Variants in DYNC1H1 observed in about 807,000 individuals in gnomAD.
DYNC1H1 encodes cytoplasmic dynein 1 heavy chain 1.
A neutral mutation model predicts 527.1 loss-of-function variants in DYNC1H1; 51 were observed. That is an observed-to-expected ratio of 0.10 (90% CI 0.08 to 0.12). DYNC1H1 has a LOEUF of 0.12. Ranked by LOEUF, DYNC1H1 falls within the 10% of genes least tolerant of loss-of-function variation. The probability of loss-of-function intolerance (pLI) is 1.00; values close to 1 mark genes in which losing one functional copy is unlikely to be tolerated. For missense variants in DYNC1H1, 2,771 were observed against 5,971.8 expected (o/e 0.46, Z 17.66); for synonymous variants, 2,189 against 2,278.8 (o/e 0.96, Z 1.12).
chr14:102,004,185 A>G (rs746900467), intron 23 of DYNC1H1, among the ~76,000 whole-genome samples: 12 of 152,134 alleles, frequency 7.9e-5, no homozygotes, highest in African/African-American at 2.9e-4. Flanking sequence ...CGGAGCTTGC[A>G]GTGAGCCGAG....
At position 102,044,755 on chromosome 14, in the gene DYNC1H1, G is replaced by T; in HGVS notation, c.13006+57G>T. Reference sequence around the variant, plus strand: ...GTGGGTGGCGAGGGTCCCCTCACGCGGGGTGGGTGGCGAGGGTCCCCACAC... The same window carrying T: ...GTGGGTGGCGAGGGTCCCCTCACGCTGGGTGGGTGGCGAGGGTCCCCACAC... On this transcript the variant is annotated intron_variant, in intron 72 of 77. Coordinates refer to ENST00000360184, the MANE Select transcript of DYNC1H1 (RefSeq NM_001376.5). This position sits in a 1 kb window ranked among gnomAD's most constrained non-coding sequence, Gnocchi z 7.1. 3 of 1,385,716 alleles carry T rather than the reference G, an allele frequency of 2.2e-6. No individual in the cohort carries two copies. Among genetic ancestry groups the T allele is most frequent in the South Asian group, 1.3e-5 (1 of 74,312 alleles). The allele number at this position is 1,385,716 out of a possible 1,614,324, so 85.8% of individuals were successfully genotyped here.
chr14:102,013,743 G>A (rs759945380), intron 34 of DYNC1H1, among the ~76,000 whole-genome samples: 8 of 152,198 alleles, frequency 5.3e-5, no homozygotes, highest in Admixed American at 2.0e-4. Flanking sequence ...TCTGGCTGCC[G>A]TTTGGAGAAT....
Position 102,009,978 on chromosome 14 carries a change from G to A in DYNC1H1, c.6113G>A (p.Ser2038Asn), listed in dbSNP as rs768380390. The change falls in exon 30 of 78, where the codon AGC (serine) becomes AAC (asparagine). Residue 2038 changes from serine to asparagine, a missense_variant. Coordinates refer to ENST00000360184, the MANE Select transcript of DYNC1H1 (RefSeq NM_001376.5). ...LPDNLKKLFR[S>N]LAMTKPDRQL... ...GACAACTTGAAGAAGCTGTTCCGGA[G>A]CTTGGCCATGACCAAGCCCGACCGG... The A allele has an allele frequency of 6.2e-7, 1 of 1,614,134 alleles. No homozygotes were observed. Among genetic ancestry groups the A allele is most frequent in the Non-Finnish European group, 8.5e-7 (1 of 1,180,042 alleles).
At position 102,050,616 on chromosome 14, in the gene DYNC1H1, T is replaced by C; in HGVS notation, c.*53T>C. On this transcript the variant is annotated 3_prime_UTR_variant, in exon 78 of 78. Transcript: ENST00000360184. ...AGTGAAAGTTGGTATTTAACATTTA[T>C]TCATTTTTAAAATATTTGGAAGGTC... The C allele has an allele frequency of 1.2e-6, 2 of 1,613,708 alleles. No homozygotes were observed. Among genetic ancestry groups the C allele is most frequent in the South Asian group, 2.2e-5 (2 of 91,026 alleles).
rs1231462535 is a variant in DYNC1H1 at position 102,017,222 on chromosome 14, G to A, written c.7983G>A (p.Leu2661=). The change falls in exon 39 of 78, where the codon TTG becomes TTA. Residue 2661 remains leucine (L), a synonymous_variant. Transcript: ENST00000360184. The surrounding 1 kb of genome is among the most constrained non-coding windows in gnomAD (Gnocchi z 4.6). ...TTCAACTTGGAAAGTGGCTGGTGTT[G>A]TTCTGTGATGAAATCAACTTGCCAG... is the stretch of plus-strand genomic sequence containing the variant. ...APVQLGKWLV[L]FCDEINLPDM... is the part of the protein sequence containing the mutation. 1 of 1,614,242 alleles carries A rather than the reference G, an allele frequency of 6.2e-7. No individual in the cohort carries two copies. Among genetic ancestry groups the A allele is most frequent in the South Asian group, 1.1e-5 (1 of 91,088 alleles).
intron 11 of DYNC1H1, among the ~76,000 whole-genome samples, 159 bp downstream of exon 11, chr14:101,991,832 C>CT (rs1199995890): frequency 6.6e-6 from 1 of 152,152 alleles, no homozygotes; most frequent in Non-Finnish European, 1.5e-5. Context: ...GTGCCCTGAC[C>CT]TTTTTTTCCA....
chr14:102,047,627 G>GTT (rs2048739352), intron 72 of DYNC1H1, 190 bp from the exon 73 acceptor site: 1 of 399,998 alleles, frequency 2.5e-6, no homozygotes, highest in African/African-American at 3.8e-5. Flanking sequence ...ACACGTGTGT[G>GTT]TGTGTGTGTG....
rs201971718 is a variant in DYNC1H1, at chr14:102,047,961, C to T, written c.13151C>T (p.Ala4384Val). 14 of 1,613,024 alleles carry T rather than the reference C, an allele frequency of 8.7e-6. No homozygotes were observed. Among genetic ancestry groups the T allele is most frequent in the Admixed American group, 5.0e-5 (3 of 60,008 alleles). Residue 4384 changes from alanine (A) to valine (V), a missense_variant, in exon 73 of 78, where the codon GCG (alanine) becomes GTG (valine). Physicochemically the swap from Ala to Val is moderately conservative, Grantham distance 64 (BLOSUM62 0). This residue lies in a region of DYNC1H1 where 170 missense variants were observed against 249.8 expected (regional missense o/e 0.68). Coordinates refer to ENST00000360184, the MANE Select transcript of DYNC1H1 (RefSeq NM_001376.5). The part of the protein sequence containing the change: ...PAWMRTLHTT[A>V]SNWLHLIPQT... Reference sequence around the variant, plus strand: ...TGGATGCGGACACTGCACACCACCGCGTCCAACTGGCTGCACCTCATCCCC... The same window carrying T: ...TGGATGCGGACACTGCACACCACCGTGTCCAACTGGCTGCACCTCATCCCC...
chr14:101,986,868 T>C lies in DYNC1H1; in HGVS notation c.2538+105T>C. 7.5e-7 allele frequency: 1 copy of C among 1,332,892 alleles called. No homozygotes were observed. Among genetic ancestry groups the C allele is most frequent in the Non-Finnish European group, 1.1e-6 (1 of 930,966 alleles). The allele number at this position is 1,332,892 out of a possible 1,614,324, so 82.6% of individuals were successfully genotyped here. A position where few individuals can be genotyped will look rare whatever the true frequency, so the allele number is the denominator to read the frequency against. ...TCCCGAAGAAGGCATGCATGGTTGA[T>C]GCAGCATACGGCCATGTGAGCTGCA... On this transcript the variant is annotated intron_variant, in intron 8 of 77. Transcript: ENST00000360184. This position sits in a 1 kb window ranked among gnomAD's most constrained non-coding sequence, Gnocchi z 8.7.
rs145208135 is a variant in DYNC1H1, at chr14:102,027,663, G to A, written c.9093G>A (p.Thr3031=). 86 of 1,614,002 alleles carry A rather than the reference G, an allele frequency of 5.3e-5. 2 individuals carry two copies. Among genetic ancestry groups the A allele is most frequent in the African/African-American group, 5.2e-4 (39 of 74,912 alleles). The change falls in exon 47 of 78, where the codon ACG becomes ACA. Residue 3031 remains threonine, a synonymous_variant. Coordinates refer to ENST00000360184, the MANE Select transcript of DYNC1H1 (RefSeq NM_001376.5). The surrounding 1 kb of genome is among the most constrained non-coding windows in gnomAD (Gnocchi z 7.7). ...FEGDEYATLM[T]QCKEGAQKEG... ...GAGACGAGTATGCCACCTTGATGAC[G>A]CAGTGCAAAGAGGGGGCACAGAAGG...
At chr14:101,977,466 T>C (rs1003793041) in intron 2 of DYNC1H1, among the ~76,000 whole-genome samples, 1 of 152,214 alleles carries the variant, frequency 6.6e-6, no homozygotes, top group Non-Finnish European at 1.5e-5. Flanking sequence ...TATCCCTAAA[T>C]ACTTGTGTGT....
Position 102,001,391 on chromosome 14 carries a change from T to C in DYNC1H1, c.4395+37T>C, listed in dbSNP as rs1346803203. 1.2e-6 allele frequency: 2 copies of C among 1,613,640 alleles called. No homozygotes were observed. The highest frequency in any genetic ancestry group is 2.2e-5 in the East Asian group (1 of 44,862). On this transcript the variant is annotated intron_variant, in intron 20 of 77. Transcript: ENST00000360184. This position sits in a 1 kb window ranked among gnomAD's most constrained non-coding sequence, Gnocchi z 5.0. Reference sequence around the variant, plus strand: ...GACTGAACGGCTGCTTTACGTTGTGTTTCGGGCTGTTACATAGATCTGAGC... The same window carrying C: ...GACTGAACGGCTGCTTTACGTTGTGCTTCGGGCTGTTACATAGATCTGAGC...
intron 29 of DYNC1H1, among the ~76,000 whole-genome samples, chr14:102,008,835 A>C (rs956921442): frequency 1.3e-5 from 2 of 152,172 alleles, no homozygotes; most frequent in Non-Finnish European, 2.9e-5. Context: ...TTTAGTCCTC[A>C]TTCTAGGGCA....
chr14:102,033,120 T>A lies in DYNC1H1; in HGVS notation c.10135T>A (p.Tyr3379Asn), dbSNP rs1277036036. Residue 3379 changes from tyrosine to asparagine, a missense_variant, in exon 53 of 78, where the codon TAT becomes AAT. By Grantham distance (143) the Tyr-to-Asn change is moderately radical (BLOSUM62 -2). Transcript: ENST00000360184. This position sits in a 1 kb window ranked among gnomAD's most constrained non-coding sequence, Gnocchi z 5.6. ...TTACATGTCCAATCCAAGTTACAAT[T>A]ATGAAATTGTGAATCGGGCTTCCCT... The part of the protein sequence containing the change: ...KNYMSNPSYN[Y>N]EIVNRASLAC... 1 of 1,614,068 alleles carries A rather than the reference T, an allele frequency of 6.2e-7. No individual in the cohort carries two copies. Among genetic ancestry groups the A allele is most frequent in the African/African-American group, 1.3e-5 (1 of 74,918 alleles).
Position 102,033,155 on chromosome 14 carries a change from C to G in DYNC1H1, c.10170C>G (p.Gly3390=). Residue 3390 remains glycine, a synonymous_variant, in exon 53 of 78, where the codon GGC becomes GGG. Coordinates refer to ENST00000360184, the MANE Select transcript of DYNC1H1 (RefSeq NM_001376.5). This position sits in a 1 kb window ranked among gnomAD's most constrained non-coding sequence, Gnocchi z 5.6. The stretch of plus-strand genomic sequence containing the variant: ...TGAATCGGGCTTCCCTGGCTTGCGG[C>G]CCTATGGTGAAATGGGCAATTGCAC... ...EIVNRASLAC[G]PMVKWAIAQL... 6.2e-7 allele frequency: 1 copy of G among 1,614,186 alleles called. No individual in the cohort carries two copies. Among genetic ancestry groups the G allele is most frequent in the Non-Finnish European group, 8.5e-7 (1 of 1,180,032 alleles).
intron 28 of DYNC1H1, 127 bp downstream of exon 28, chr14:102,007,235 A>C: frequency 2.3e-6 from 2 of 884,066 alleles, no homozygotes; most frequent in South Asian, 2.8e-5. Flanking sequence ...TGGCCTCCTG[A>C]GTCCTGTAGT....
chr14:101,998,879 CTTTTTTT>C (rs888317854), intron 16 of DYNC1H1, among the ~76,000 whole-genome samples: 6 of 115,220 alleles, frequency 5.2e-5, no homozygotes, highest in East Asian at 5.0e-4. Context: ...AAAACTTTTT[CTTTTTTT>C]TTTTTTTTTT....
At chr14:101,975,624 A>G (rs953991455) in intron 1 of DYNC1H1, 88 bp from the exon 2 acceptor site, 3 of 1,204,232 alleles carry the variant, frequency 2.5e-6, no homozygotes, top group Non-Finnish European at 3.7e-6. Context: ...GGCTGGGAGT[A>G]GGGAGAAAAT....
In DYNC1H1 at chr14:102,027,115, T is replaced by G. The variant is rs1013891165; in HGVS notation, c.8772-59T>G. ...AAATACTGTAGACACTAGATATGAG[T>G]CAAAAGGGGAATGAGGCATTATAAG... On this transcript the variant is annotated intron_variant, in intron 44 of 77. Transcript: ENST00000360184. This position sits in a 1 kb window ranked among gnomAD's most constrained non-coding sequence, Gnocchi z 7.7. 4 of 1,552,064 alleles carry G rather than the reference T, an allele frequency of 2.6e-6. No homozygotes were observed. The highest frequency in any genetic ancestry group is 3.6e-6 in the Non-Finnish European group (4 of 1,124,030).
Sources: allele counts gnomAD v4.1 joint callset (sites outside exome capture counted in the v4.1 genomes callset), GRCh38; gene constraint gnomAD v4.1.1; regional missense constraint gnomAD v4.1.1; non-coding constraint Gnocchi (gnomAD v3.1); transcripts MANE v1.5; gene names NCBI Gene and HGNC (gene_info 2026-07-23, HGNC 2026-07-21).